Variants in XPO7 observed in about 807,000 individuals in gnomAD.
The protein encoded by XPO7 is exportin 7, also known as exportin-7.
In XPO7, 21 loss-of-function variants were observed where a neutral mutation model predicts 144.3. The ratio of observed to expected loss-of-function variants is 0.15; its 90% confidence interval spans 0.10 to 0.21. XPO7 has a LOEUF of 0.21. Among genes scored for constraint, XPO7 ranks in the 10% least tolerant of loss-of-function variants. The probability of loss-of-function intolerance (pLI) is 1.00; values close to 1 mark genes in which losing one functional copy is unlikely to be tolerated. For missense variants in XPO7, 808 were observed against 1,325.8 expected (o/e 0.61, Z 6.06); for synonymous variants, 580 against 499.6 (o/e 1.16, Z -2.15).
chr8:22,001,344 G>A (rs1001697845), intron 24 of XPO7, among the ~76,000 whole-genome samples: 3 of 151,956 alleles, frequency 2.0e-5, no homozygotes, highest in Non-Finnish European at 2.9e-5. Flanking sequence ...CAAGTAGAGG[G>A]ACGTTTGCAT....
intron 19 of XPO7, among the ~76,000 whole-genome samples, chr8:21,993,677 G>C (rs927922573): frequency 2.6e-5 from 4 of 152,030 alleles, no homozygotes; most frequent in African/African-American, 9.7e-5. Flanking sequence ...AAGTTTTTTG[G>C]CCTCTTTAAG....
At chr8:21,947,954 AC>A (rs1286980063) in intron 1 of XPO7, among the ~76,000 whole-genome samples, 2 of 152,244 alleles carry the variant, frequency 1.3e-5, no homozygotes, top group Non-Finnish European at 2.9e-5. Context: ...AAATAAAAAA[AC>A]ATGGCATGTT....
At chr8:21,982,525 G>C in intron 10 of XPO7, 115 bp from the exon 11 acceptor site, 1 of 1,240,266 alleles carries the variant, frequency 8.1e-7, no homozygotes, top group Non-Finnish European at 1.1e-6. Context: ...GCCCACAAAA[G>C]TCTATCCTCT....
intron 1 of XPO7, among the ~76,000 whole-genome samples, chr8:21,935,836 T>TTCTCTCTCTCTCAA (rs1810803015): frequency 6.6e-6 from 1 of 151,640 alleles, no homozygotes; most frequent in Non-Finnish European, 1.5e-5. Flanking sequence ...CAAGATATCT[T>TTCTCTCTCTCTCAA]TCTCTCTCTC....
At chr8:21,953,563 AAG>A (rs1446402767) in intron 1 of XPO7, among the ~76,000 whole-genome samples, 1 of 152,216 alleles carries the variant, frequency 6.6e-6, no homozygotes, top group African/African-American at 2.4e-5. Flanking sequence ...ATCATATGGT[AAG>A]AGTATGTTTA....
At chr8:21,935,492 G>A (rs1445749243) in intron 1 of XPO7, among the ~76,000 whole-genome samples, 2 of 152,186 alleles carry the variant, frequency 1.3e-5, no homozygotes, top group Non-Finnish European at 2.9e-5. Flanking sequence ...TATCTTTCCA[G>A]TACTCCCTCC....
chr8:21,959,686 CTTCAATA>C (rs1186104394), intron 1 of XPO7, among the ~76,000 whole-genome samples: 5 of 152,080 alleles, frequency 3.3e-5, no homozygotes, highest in Non-Finnish European at 7.4e-5. Context: ...ATCATTTTAA[CTTCAATA>C]TTTGTTTACT....
chr8:21,987,892 T>A, intron 15 of XPO7, 35 bp downstream of exon 15: 3 of 1,604,454 alleles, frequency 1.9e-6, no homozygotes, highest in Non-Finnish European at 2.6e-6. Flanking sequence ...CAAGAGTCCT[T>A]TGCACTCCTG....
At chr8:21,945,790 G>A (rs1811171725) in intron 1 of XPO7, among the ~76,000 whole-genome samples, 1 of 152,172 alleles carries the variant, frequency 6.6e-6, no homozygotes, top group Non-Finnish European at 1.5e-5. Flanking sequence ...ATTTGAATAA[G>A]CCTCCTTTTT....
At chr8:21,991,025 A>G (rs1212400272) in intron 18 of XPO7, 106 bp downstream of exon 18, 20 of 990,702 alleles carry the variant, frequency 2.0e-5, no homozygotes, top group Middle Eastern at 4.6e-4. Flanking sequence ...TGTTTTTTCA[A>G]CAGTAACAAA....
chr8:21,972,252 C>T (rs926637831), intron 5 of XPO7, among the ~76,000 whole-genome samples: 2 of 151,768 alleles, frequency 1.3e-5, no homozygotes, highest in Non-Finnish European at 2.9e-5. Flanking sequence ...CCGAGGCAGG[C>T]GGATCACCTG....
intron 1 of XPO7, among the ~76,000 whole-genome samples, chr8:21,920,418 C>G (rs752031263): frequency 6.6e-6 from 1 of 152,116 alleles, no homozygotes; most frequent in Admixed American, 6.5e-5. Context: ...GGCCTCGGCC[C>G]GCCTCCCCTC....
At chr8:21,979,517 C>T (rs2117352103) in intron 8 of XPO7, among the ~76,000 whole-genome samples, 1 of 151,628 alleles carries the variant, frequency 6.6e-6, no homozygotes, top group East Asian at 2.0e-4. Flanking sequence ...AAGCGATTCT[C>T]CTCCCTCAGC....
chr8:21,923,254 A>AG (rs1302967501), intron 1 of XPO7, among the ~76,000 whole-genome samples: 5 of 152,210 alleles, frequency 3.3e-5, no homozygotes, highest in Admixed American at 3.3e-4. Flanking sequence ...CACTGGAGCC[A>AG]GACTGCTGAA....
At chr8:21,928,660 T>C (rs1398248177) in intron 1 of XPO7, among the ~76,000 whole-genome samples, 4 of 152,256 alleles carry the variant, frequency 2.6e-5, no homozygotes, top group African/African-American at 9.6e-5. Context: ...TACTGACATT[T>C]GTATATCTCA....
At chr8:21,960,297 C>T (rs1278069913) in intron 1 of XPO7, among the ~76,000 whole-genome samples, 1 of 152,210 alleles carries the variant, frequency 6.6e-6, no homozygotes, top group African/African-American at 2.4e-5. Context: ...TTCAGGGCGT[C>T]AGATTGAAAC....
intron 1 of XPO7, chr8:21,966,158 T>C: frequency 1.5e-6 from 1 of 657,686 alleles, no homozygotes; most frequent in Non-Finnish European, 2.8e-6. Flanking sequence ...AAGAGTTTGC[T>C]TGTGGGTGTT....
At chr8:21,945,587 C>T (rs1811166522) in intron 1 of XPO7, among the ~76,000 whole-genome samples, 1 of 152,116 alleles carries the variant, frequency 6.6e-6, no homozygotes, top group African/African-American at 2.4e-5. Flanking sequence ...GAAAATCCTC[C>T]TACTGTACAA....
At chr8:21,966,091 A>C in intron 1 of XPO7, 1 of 565,576 alleles carries the variant, frequency 1.8e-6, no homozygotes, top group Non-Finnish European at 3.1e-6. Flanking sequence ...GTTTTTGACC[A>C]AAGCACACAC....
Sources: allele counts gnomAD v4.1 joint callset (sites outside exome capture counted in the v4.1 genomes callset), GRCh38; gene constraint gnomAD v4.1.1; transcripts MANE v1.5; gene names NCBI Gene and HGNC (gene_info 2026-07-23, HGNC 2026-07-21).